NPFFR2: variants seen among roughly 807,000 people sequenced by gnomAD.
NPFFR2 encodes G-protein coupled receptor 74.
A neutral mutation model predicts 13.1 loss-of-function variants in NPFFR2; 15 were observed. The ratio of observed to expected loss-of-function variants is 1.15; its 90% CI spans 0.77 to 1.76. The LOEUF (loss-of-function observed/expected upper bound fraction) is 1.76, where lower values mean the gene tolerates loss of function less well. Among genes scored for constraint, NPFFR2 ranks in the 40% most tolerant of loss-of-function variants. The probability of loss-of-function intolerance (pLI) is 0.00; values close to 1 mark genes in which losing one functional copy is unlikely to be tolerated. For synonymous variants in NPFFR2, 190 were observed against 175.7 expected (o/e 1.08, Z -0.65); for missense variants, 572 against 503.5 (o/e 1.14, Z -1.30).
Position 72,147,253 on chromosome 4 carries a change from T to C in NPFFR2, c.704T>C (p.Ile235Thr), listed in dbSNP as rs748995710. The C allele has an allele frequency of 5.0e-6, 8 of 1,614,128 alleles. No individual in the cohort carries two copies. In the South Asian group the frequency reaches 6.6e-5, roughly 13 times the overall value. ...ATCTACCTGGCTCCCCTCTCCCTCA[T>C]TGTCATCATGTATGGAAGGATTGGA... ...ANIYLAPLSL[I>T]VIMYGRIGIS... Residue 235 changes from isoleucine to threonine, a missense_variant, in exon 4 of 4, where the codon ATT becomes ACT. Coordinates refer to ENST00000308744, the MANE Select transcript of NPFFR2 (RefSeq NM_004885.3).
chr4:72,043,809 T>C (rs898399496), intron 1 of NPFFR2, among the ~76,000 whole-genome samples: 1 of 152,160 alleles, frequency 6.6e-6, no homozygotes, highest in Admixed American at 6.5e-5. Flanking sequence ...GAGTTAATGC[T>C]GGAATGAGTC....
intron 2 of NPFFR2, among the ~76,000 whole-genome samples, chr4:72,135,867 A>C (rs1578479548): frequency 1.3e-5 from 2 of 151,902 alleles, no homozygotes; most frequent in African/African-American, 4.8e-5. Context: ...TATGGGGTAC[A>C]TATGATGTTT....
chr4:72,117,956 T>C (rs1721760093), intron 1 of NPFFR2, among the ~76,000 whole-genome samples: 1 of 151,506 alleles, frequency 6.6e-6, no homozygotes, highest in Non-Finnish European at 1.5e-5. Flanking sequence ...AACAAAAAAG[T>C]AACCTGAGAT....
chr4:72,064,150 T>A (rs4607185), intron 1 of NPFFR2, among the ~76,000 whole-genome samples: 136,193 of 152,242 alleles, frequency 0.89, 61,972 homozygotes, highest in Non-Finnish European at 0.98. Flanking sequence ...GTTATTTATT[T>A]CTGCAAATGA....
intron 1 of NPFFR2, among the ~76,000 whole-genome samples, chr4:72,059,694 A>C (rs1252708729): frequency 6.6e-6 from 1 of 152,056 alleles, no homozygotes; most frequent in Non-Finnish European, 1.5e-5. Context: ...TGTGAACCAA[A>C]GTGGGGTTTC....
In NPFFR2 at chr4:72,147,724, C is replaced by A. The variant is rs2109853131; in HGVS notation, c.1175C>A (p.Thr392Asn). The change falls in exon 4 of 4, where the codon ACC becomes AAC. Residue 392 changes from threonine to asparagine, a missense_variant. Coordinates refer to ENST00000308744, the MANE Select transcript of NPFFR2 (RefSeq NM_004885.3). ...ACATTTCAAAACCCTCATGGGGAAA[C>A]CTTGCTTTATAGGAAAAGTGCTGAA... ...ESTFQNPHGE[T>N]LLYRKSAEKP... 3 of 1,611,156 alleles carry A rather than the reference C, an allele frequency of 1.9e-6. No homozygotes were observed. Among genetic ancestry groups the A allele is most frequent in the Non-Finnish European group, 2.5e-6 (3 of 1,179,322 alleles).
intron 1 of NPFFR2, among the ~76,000 whole-genome samples, chr4:72,101,121 G>T (rs1284017205): frequency 6.6e-6 from 1 of 151,826 alleles, no homozygotes; most frequent in South Asian, 2.1e-4. Context: ...ATAAAATTAC[G>T]TTAAGAAACA....
intron 1 of NPFFR2, among the ~76,000 whole-genome samples, chr4:72,115,670 A>C (rs1341301635): frequency 1.3e-5 from 2 of 152,044 alleles, no homozygotes; most frequent in Non-Finnish European, 2.9e-5. Context: ...ATTTTCATGA[A>C]AGTTCTTTCT....
intron 1 of NPFFR2, among the ~76,000 whole-genome samples, chr4:72,074,111 A>G (rs1310661180): frequency 6.6e-6 from 1 of 150,722 alleles, no homozygotes; most frequent in Non-Finnish European, 1.5e-5. Context: ...AACCAGAATT[A>G]AGTAAAATAA....
At chr4:72,141,161 T>C (rs1482328786) in intron 3 of NPFFR2, among the ~76,000 whole-genome samples, 4 of 152,126 alleles carry the variant, frequency 2.6e-5, no homozygotes, top group Non-Finnish European at 5.9e-5. Context: ...TCTCCTTTAT[T>C]AGTGTTGCTA....
intron 2 of NPFFR2, among the ~76,000 whole-genome samples, chr4:72,136,685 T>C (rs1253681989): frequency 6.6e-6 from 1 of 152,152 alleles, no homozygotes; most frequent in Non-Finnish European, 1.5e-5. Context: ...AGTGCAGCGG[T>C]ATACTTTCGC....
intron 1 of NPFFR2, among the ~76,000 whole-genome samples, chr4:72,126,586 T>C (rs1722049278): frequency 6.6e-6 from 1 of 152,212 alleles, no homozygotes; most frequent in East Asian, 1.9e-4. Flanking sequence ...AAATGATGAG[T>C]GGCTCACTAT....
intron 2 of NPFFR2, among the ~76,000 whole-genome samples, chr4:72,135,298 A>G (rs556039854): frequency 2.0e-5 from 3 of 152,188 alleles, no homozygotes; most frequent in East Asian, 1.9e-4. Context: ...GGGCTTTGCA[A>G]TCTGAAAATG....
rs983345 is a variant in NPFFR2 at position 72,148,081 on chromosome 4, A to C, written c.*269A>C. ...ACAGTTTACAAAGCCTCATCTTTCC[A>C]AACTTAACCATTTGTGTATGCGTCA... On this transcript the variant is annotated 3_prime_UTR_variant, in exon 4 of 4. Transcript: ENST00000308744. The C allele has an allele frequency of 0.15, 47,195 of 320,860 alleles. 10,485 individuals are homozygous for C. The highest frequency in any genetic ancestry group is 0.56 in the African/African-American group (25,791 of 46,090). The allele number at this position is 320,860 out of a possible 1,614,324, so 19.9% of individuals were successfully genotyped here. A position where few individuals can be genotyped will look rare whatever the true frequency, so the allele number is the denominator to read the frequency against.
rs1560419886 is a variant in NPFFR2 at position 72,128,570 on chromosome 4, CTCT to C, written c.-7-10_-7-8del. 1 of 1,515,152 alleles carries C rather than the reference CTCT, an allele frequency of 6.6e-7. No individual in the cohort carries two copies. Among genetic ancestry groups the C allele is most frequent in the Admixed American group, 2.0e-5 (1 of 50,696 alleles). 93.9% of individuals were successfully genotyped at this position (1,515,152 alleles called of 1,614,324 possible). ...TCCTAATTATGTTTTTCTTTTCTGT[CTCT>C]TCTTTATTAAGGTTCATCATGAATG... is the stretch of plus-strand genomic sequence containing the variant. On this transcript the variant is annotated splice_polypyrimidine_tract_variant and intron_variant, in intron 1 of 3. Coordinates refer to ENST00000308744, the MANE Select transcript of NPFFR2 (RefSeq NM_004885.3).
At position 72,148,016 on chromosome 4, in the gene NPFFR2, G is replaced by A. The variant is rs1722844736; in HGVS notation, c.*204G>A. The A allele has an allele frequency of 2.1e-6, 1 of 470,300 alleles. No individual in the cohort carries two copies. 29.1% of individuals were successfully genotyped at this position (470,300 alleles called of 1,614,324 possible). ...TATGTTGTATAAAAATACGTAGAGTGACTTAGACATGTTTGCATGAATAAA... is the reference window on the plus strand; with the variant it reads ...TATGTTGTATAAAAATACGTAGAGTAACTTAGACATGTTTGCATGAATAAA... On this transcript the variant is annotated 3_prime_UTR_variant, in exon 4 of 4. Coordinates refer to ENST00000308744, the MANE Select transcript of NPFFR2 (RefSeq NM_004885.3).
chr4:72,094,476 G>T lies in NPFFR2; in HGVS notation c.-7-34109G>T, dbSNP rs79049696. Among the ~76,000 whole-genome samples, 642 of 152,278 alleles carry T rather than the reference G, an allele frequency of 4.2e-3. 27 individuals are homozygous for T. The East Asian group carries it at 0.11, about 27-fold the overall frequency. On this transcript the variant is annotated intron_variant, in intron 1 of 3. Transcript: ENST00000308744. ...CAGGTAGAGAAAGACAATCAGTGGA[G>T]GGCAGGGTTAGGAGCTCAGACTCTC...
At chr4:72,084,817 A>G (rs1720720988) in intron 1 of NPFFR2, among the ~76,000 whole-genome samples, 1 of 152,092 alleles carries the variant, frequency 6.6e-6, no homozygotes, top group African/African-American at 2.4e-5. Context: ...TGATTTCCAC[A>G]TATTTACTCA....
intron 1 of NPFFR2, among the ~76,000 whole-genome samples, chr4:72,033,897 G>A (rs979859477): frequency 1.1e-4 from 16 of 151,822 alleles, no homozygotes; most frequent in Non-Finnish European, 1.5e-4. Context: ...GTTGTTCTTC[G>A]GCTCTGTGTG....
Sources: allele counts gnomAD v4.1 joint callset (sites outside exome capture counted in the v4.1 genomes callset), GRCh38; gene constraint gnomAD v4.1.1; transcripts MANE v1.5; gene names NCBI Gene and HGNC (gene_info 2026-07-23, HGNC 2026-07-21).